HS3ST4: variants seen among roughly 807,000 people sequenced by gnomAD.
HS3ST4 encodes the protein heparan sulfate glucosamine 3-O-sulfotransferase 4.
A neutral mutation model predicts 29.2 loss-of-function variants in HS3ST4; 17 were observed. The observed-to-expected ratio is 0.58, with a 90% confidence interval of 0.40 to 0.87. HS3ST4 has a LOEUF of 0.87. HS3ST4 is among the 40% of genes least tolerant of loss of function. The pLI is 0.00. For synonymous variants in HS3ST4, 314 were observed against 285.7 expected (o/e 1.10, Z -1.00); for missense variants, 627 against 634.5 (o/e 0.99, Z 0.13).
chr16:26,020,382 T>C (rs1358596810), intron 1 of HS3ST4, among the ~76,000 whole-genome samples: 2 of 152,136 alleles, frequency 1.3e-5, no homozygotes, highest in African/African-American at 4.8e-5. Flanking sequence ...ATTAGTACAT[T>C]GTGTCTCCCC....
intron 1 of HS3ST4, among the ~76,000 whole-genome samples, chr16:25,913,663 G>A (rs573254314): frequency 1.3e-5 from 2 of 152,312 alleles, no homozygotes; most frequent in Admixed American, 6.5e-5. Flanking sequence ...GAAAGGAAGG[G>A]TTACTAGGTT....
At chr16:25,781,632 T>G (rs1006214923) in intron 1 of HS3ST4, among the ~76,000 whole-genome samples, 2 of 152,190 alleles carry the variant, frequency 1.3e-5, no homozygotes, top group Admixed American at 6.5e-5. Context: ...AGACACAACC[T>G]GAGACCTTGA....
chr16:25,873,960 C>G (rs1302590165), intron 1 of HS3ST4, among the ~76,000 whole-genome samples: 1 of 152,124 alleles, frequency 6.6e-6, no homozygotes, highest in Non-Finnish European at 1.5e-5. Context: ...TAGTAGCCAG[C>G]CCAAGTGAAG....
chr16:26,053,187 T>C (rs1221383723), intron 1 of HS3ST4, among the ~76,000 whole-genome samples: 1 of 152,202 alleles, frequency 6.6e-6, no homozygotes, highest in African/African-American at 2.4e-5. Context: ...CATAAGACGC[T>C]CCCCTCAACA....
intron 1 of HS3ST4, among the ~76,000 whole-genome samples, chr16:25,729,093 G>T (rs1445715370): frequency 6.6e-6 from 1 of 151,874 alleles, no homozygotes; most frequent in East Asian, 1.9e-4. Flanking sequence ...GAAAAAAAAG[G>T]AAAAAGGAAA....
At chr16:25,983,577 T>C (rs1304269276) in intron 1 of HS3ST4, among the ~76,000 whole-genome samples, 1 of 152,222 alleles carries the variant, frequency 6.6e-6, no homozygotes, top group Non-Finnish European at 1.5e-5. Context: ...CTGGCCACAC[T>C]TACCTCTGTG....
intron 1 of HS3ST4, among the ~76,000 whole-genome samples, chr16:25,975,079 GA>G (rs1439724665): frequency 6.6e-6 from 1 of 151,948 alleles, no homozygotes; most frequent in Non-Finnish European, 1.5e-5. Context: ...CTGATATTTT[GA>G]AAAATATCAC....
At chr16:25,853,310 GTGTATA>G (rs59157676) in intron 1 of HS3ST4, among the ~76,000 whole-genome samples, 44,176 of 143,082 alleles carry the variant, frequency 0.31, 6,836 homozygotes, top group Admixed American at 0.36. Flanking sequence ...GTGTGTGTGT[GTGTATA>G]TATATATATA....
At chr16:25,936,817 C>T (rs1051648477) in intron 1 of HS3ST4, among the ~76,000 whole-genome samples, 4 of 152,164 alleles carry the variant, frequency 2.6e-5, no homozygotes, top group East Asian at 1.9e-4. Context: ...AACTGTGGGA[C>T]TCTAGGAAAT....
chr16:25,758,700 A>G (rs1467458723), intron 1 of HS3ST4, among the ~76,000 whole-genome samples: 2 of 152,216 alleles, frequency 1.3e-5, no homozygotes, highest in Non-Finnish European at 2.9e-5. Flanking sequence ...TCATGCCTGT[A>G]ATCCCAGCAC....
chr16:25,857,201 TC>T (rs1967581674), intron 1 of HS3ST4, among the ~76,000 whole-genome samples: 1 of 152,180 alleles, frequency 6.6e-6, no homozygotes, highest in Non-Finnish European at 1.5e-5. Flanking sequence ...ATTTAAGTGT[TC>T]CTATCAGTGT....
chr16:25,965,719 T>G (rs1048113219), intron 1 of HS3ST4, among the ~76,000 whole-genome samples: 1 of 152,240 alleles, frequency 6.6e-6, no homozygotes, highest in Non-Finnish European at 1.5e-5. Context: ...CTATCTGTAC[T>G]GAGTTAAGAC....
chr16:25,753,646 C>G (rs1390592012), intron 1 of HS3ST4, among the ~76,000 whole-genome samples: 2 of 152,184 alleles, frequency 1.3e-5, no homozygotes, highest in African/African-American at 4.8e-5. Context: ...GTCCTAGTCT[C>G]AAGCCCAGGC....
Position 25,718,712 on chromosome 16 carries a change from A to G in HS3ST4, c.734+25561A>G, listed in dbSNP as rs553404366. 1.2e-4 allele frequency among the ~76,000 whole-genome samples: 18 copies of G among 152,298 alleles called. No individual in the cohort carries two copies. In the South Asian group the frequency reaches 3.7e-3, roughly 32 times the overall value. ...ATGTTGAGTTTCAGGTGATTTTGAGACATCTATGTATAGATATCAGATAGG... is the reference window on the plus strand; with the variant it reads ...ATGTTGAGTTTCAGGTGATTTTGAGGCATCTATGTATAGATATCAGATAGG... On this transcript the variant is annotated intron_variant, in intron 1 of 1. Transcript: ENST00000331351.
chr16:25,826,375 A>G (rs1967215083), intron 1 of HS3ST4: 1 of 152,166 alleles, frequency 6.6e-6, no homozygotes, highest in African/African-American at 2.4e-5. Flanking sequence ...AGGTTAACTT[A>G]AACACATAAT....
chr16:25,764,765 G>C (rs1966807516), intron 1 of HS3ST4, among the ~76,000 whole-genome samples: 1 of 152,208 alleles, frequency 6.6e-6, no homozygotes, highest in Non-Finnish European at 1.5e-5. Flanking sequence ...AGATTTAGAA[G>C]GTTCTTTTTT....
rs935802456 is a variant in HS3ST4, at chr16:25,802,961, G to A, written c.734+109810G>A. Among the ~76,000 whole-genome samples, 93 of 133,260 alleles carry A rather than the reference G, an allele frequency of 7.0e-4. 2 individuals are homozygous for A. The South Asian group carries it at 0.019, about 27-fold the overall frequency. The allele number at this position is 133,260 out of a possible 152,430, so 87.4% of individuals were successfully genotyped here. On this transcript the variant is annotated intron_variant, in intron 1 of 1. Coordinates refer to ENST00000331351, the MANE Select transcript of HS3ST4 (RefSeq NM_006040.3). ...TGTGTGTGTGTGTGTGTGTGTGTGT[G>A]TGTATATATTTCTTTCTCTGTTTCT...
chr16:25,732,631 T>C (rs1460757238), intron 1 of HS3ST4, among the ~76,000 whole-genome samples: 2 of 152,176 alleles, frequency 1.3e-5, no homozygotes, highest in African/African-American at 4.8e-5. Flanking sequence ...GAGTATCAAA[T>C]AAGATGGCTG....
intron 1 of HS3ST4, among the ~76,000 whole-genome samples, chr16:26,111,992 G>A (rs1291673099): frequency 2.0e-5 from 3 of 148,416 alleles, no homozygotes; most frequent in Non-Finnish European, 3.0e-5. Context: ...ACTCCAGCCC[G>A]GCGACAGAGT....
Sources: gnomAD v4.1 joint callset for allele counts (sites outside exome capture counted in the v4.1 genomes callset) on GRCh38, gnomAD v4.1.1 for gene constraint, MANE v1.5 for transcripts, NCBI Gene and HGNC (gene_info 2026-07-23, HGNC 2026-07-21) for gene names.